FUT8: variants seen among roughly 807,000 people sequenced by gnomAD.
The protein encoded by FUT8 is alpha-(1,6)-fucosyltransferase.
In FUT8, 29 loss-of-function variants were observed where a neutral mutation model predicts 71.3. The ratio of observed to expected loss-of-function variants is 0.41; its 90% confidence interval spans 0.30 to 0.55. The LOEUF (loss-of-function observed/expected upper bound fraction) is 0.55. Ranked by LOEUF, FUT8 falls within the 20% of genes least tolerant of loss-of-function variation. FUT8 has a pLI of 0.34. For synonymous variants in FUT8, 254 were observed against 239.3 expected (o/e 1.06, Z -0.57); for missense variants, 544 against 702.1 (o/e 0.77, Z 2.55).
At chr14:65,695,879 T>G (rs1454310367) in intron 7 of FUT8, among the ~76,000 whole-genome samples, 2 of 152,164 alleles carry the variant, frequency 1.3e-5, no homozygotes, top group Non-Finnish European at 2.9e-5. Context: ...GATTCCATTT[T>G]TTATTATGTC....
chr14:65,449,522 A>G (rs1006025253), intron 1 of FUT8, among the ~76,000 whole-genome samples: 5 of 152,238 alleles, frequency 3.3e-5, no homozygotes, highest in African/African-American at 1.2e-4. Context: ...GGAGAAGGAA[A>G]GGAAGCAATA....
intron 7 of FUT8, among the ~76,000 whole-genome samples, chr14:65,683,998 CTT>C (rs202009957): frequency 0.034 from 5,095 of 151,926 alleles, 132 homozygotes; most frequent in Middle Eastern, 0.099. Flanking sequence ...AGTGAAATCT[CTT>C]CTTTGAACAT....
chr14:65,534,359 G>A (rs1299085440), intron 2 of FUT8, among the ~76,000 whole-genome samples: 5 of 151,650 alleles, frequency 3.3e-5, no homozygotes, highest in African/African-American at 1.2e-4. Flanking sequence ...CGCCCAGGCT[G>A]GAGTTCTCTT....
rs117667182 is a variant in FUT8 at position 65,492,123 on chromosome 14, A to G, written c.-228+36405A>G. Among the ~76,000 whole-genome samples the G allele has an allele frequency of 1.3e-4, 20 of 152,326 alleles. No homozygotes were observed. The East Asian group carries it at 3.9e-3, about 29-fold the overall frequency. On this transcript the variant is annotated intron_variant, in intron 2 of 10. Transcript: ENST00000673929. ...TGTCTTCAATGTGCCTAATTATACAATTGTTGGGACAATCAAGTGAAATCA... is the reference window on the plus strand; with the variant it reads ...TGTCTTCAATGTGCCTAATTATACAGTTGTTGGGACAATCAAGTGAAATCA...
the FUT8 span, among the ~76,000 whole-genome samples, chr14:65,367,158 A>G: frequency 6.6e-6 from 1 of 152,158 alleles, no homozygotes; most frequent in Non-Finnish European, 1.5e-5. Context: ...ACATTACAGA[A>G]AGTGGATTTC....
rs901239869 is a variant in FUT8, at chr14:65,660,214, A to G, written c.598-9029A>G. Among the ~76,000 whole-genome samples the G allele has an allele frequency of 6.6e-6, 1 of 152,124 alleles. No individual in the cohort carries two copies. The highest frequency in any genetic ancestry group is 1.5e-5 in the Non-Finnish European group (1 of 67,988). ...CTTGAAACTAAGTTGAGGGTTTTCT[A>G]GAGACCACCTGGAACTCCCAGAGGT... On this transcript the variant is annotated intron_variant, in intron 6 of 10. Transcript: ENST00000673929. The surrounding 1 kb of genome is among the most constrained non-coding windows in gnomAD (Gnocchi z 4.1).
intron 1 of FUT8, among the ~76,000 whole-genome samples, chr14:65,428,522 A>G (rs779225538): frequency 1.3e-5 from 2 of 152,192 alleles, no homozygotes; most frequent in South Asian, 4.1e-4. Flanking sequence ...TCTGTCATTT[A>G]TAAGTTACCC....
intron 2 of FUT8, among the ~76,000 whole-genome samples, chr14:65,517,332 T>C (rs527260015): frequency 3.3e-5 from 5 of 152,260 alleles, no homozygotes; most frequent in Admixed American, 3.3e-4. Flanking sequence ...TTGTAAGTAT[T>C]GTGGGGGTAT....
chr14:65,581,467 G>A (rs1215211077), intron 3 of FUT8, among the ~76,000 whole-genome samples: 1 of 152,016 alleles, frequency 6.6e-6, no homozygotes, highest in African/African-American at 2.4e-5. Context: ...TGGGACTGAG[G>A]TTCAGTTCAA....
At chr14:65,528,872 A>T (rs536863528) in intron 2 of FUT8, 2 of 152,536 alleles carry the variant, frequency 1.3e-5, no homozygotes, top group African/African-American at 4.8e-5. Context: ...GAGTATCATA[A>T]GATACTGGAT....
Position 65,537,344 on chromosome 14 carries a change from G to C in FUT8, c.-227-23993G>C, listed in dbSNP as rs762131781. Among the ~76,000 whole-genome samples, 13 of 151,510 alleles carry C rather than the reference G, an allele frequency of 8.6e-5. 1 individual carries two copies. Among genetic ancestry groups the C allele is most frequent in the Non-Finnish European group, 1.5e-5 (1 of 67,894 alleles). On this transcript the variant is annotated intron_variant, in intron 2 of 10. Coordinates refer to ENST00000673929, the MANE Select transcript of FUT8 (RefSeq NM_001371533.1). Reference sequence around the variant, plus strand: ...GACACTCTGGTTTTTTGAGTTGTTGGAGTTTTTATTATTATTACTATTATT... The same window carrying C: ...GACACTCTGGTTTTTTGAGTTGTTGCAGTTTTTATTATTATTACTATTATT...
intron 1 of FUT8, among the ~76,000 whole-genome samples, chr14:65,426,131 T>G (rs1213937751): frequency 6.6e-6 from 1 of 152,146 alleles, no homozygotes; most frequent in African/African-American, 2.4e-5. Flanking sequence ...CCCCAGCCCT[T>G]GGCAACCACC....
At chr14:65,688,520 CAAAAAAAAAAA>C (rs34293733) in intron 7 of FUT8, among the ~76,000 whole-genome samples, 646 of 55,170 alleles carry the variant, frequency 0.012, 11 homozygotes, top group African/African-American at 0.045. Flanking sequence ...ATCCACATGC[CAAAAAAAAAAA>C]AAAAAAAAAA....
chr14:65,525,646 C>G (rs575669126), intron 2 of FUT8, among the ~76,000 whole-genome samples: 38 of 151,994 alleles, frequency 2.5e-4, no homozygotes, highest in South Asian at 4.1e-4. Flanking sequence ...TCTTTTAATT[C>G]TGATGTTAGG....
chr14:65,654,617 A>G (rs1891577811), intron 6 of FUT8, among the ~76,000 whole-genome samples: 1 of 152,026 alleles, frequency 6.6e-6, no homozygotes, highest in Admixed American at 6.5e-5. Context: ...CTATAAAAAG[A>G]TATTTTAAAA....
At chr14:65,736,147 T>C (rs1020706690) in intron 10 of FUT8, among the ~76,000 whole-genome samples, 1 of 152,112 alleles carries the variant, frequency 6.6e-6, no homozygotes. Flanking sequence ...TTTATTTTTC[T>C]ACATGTGAAA....
At chr14:65,693,155 C>CG (rs1893784836) in intron 7 of FUT8, among the ~76,000 whole-genome samples, 1 of 152,176 alleles carries the variant, frequency 6.6e-6, no homozygotes, top group Non-Finnish European at 1.5e-5. Flanking sequence ...CCAAGGCAGG[C>CG]GGCTGGGAGG....
chr14:65,364,144 C>T, the FUT8 span, among the ~76,000 whole-genome samples: 1 of 152,164 alleles, frequency 6.6e-6, no homozygotes. Flanking sequence ...AAGCAGTAAC[C>T]ATCTTTCCTA....
chr14:65,403,273 G>T, the FUT8 span, among the ~76,000 whole-genome samples: 1 of 152,102 alleles, frequency 6.6e-6, no homozygotes, highest in Non-Finnish European at 1.5e-5. Context: ...CTACTTTACA[G>T]ATATGAAAAA....
Sources: allele counts gnomAD v4.1 joint callset (sites outside exome capture counted in the v4.1 genomes callset), GRCh38; gene constraint gnomAD v4.1.1; non-coding constraint Gnocchi (gnomAD v3.1); transcripts MANE v1.5; gene names NCBI Gene and HGNC (gene_info 2026-07-23, HGNC 2026-07-21).